The following RYR1 variants were observed in gnomAD, a reference collection of about 807,000 sequenced individuals.
RYR1 encodes the protein ryanodine receptor 1, also known as central core disease of muscle.
Under a neutral mutation model 583.5 loss-of-function variants are expected in RYR1, and 342 were observed. The ratio of observed to expected loss-of-function variants is 0.59; its 90% CI spans 0.54 to 0.64. RYR1 has a LOEUF of 0.64. Ranked by LOEUF, RYR1 falls within the 30% of genes least tolerant of loss-of-function variation. The pLI is 0.00. For missense variants in RYR1, 6,032 were observed against 6,917.2 expected, an observed-to-expected ratio of 0.87 and a Z score of 4.54; for synonymous variants, 2,791 against 2,822.5, an observed-to-expected ratio of 0.99 and a Z score of 0.35.
chr19:38,500,782 T>A lies in RYR1; in HGVS notation c.7445-39T>A, dbSNP rs758895876. On this transcript the variant is annotated intron_variant, in intron 46 of 105. Coordinates refer to ENST00000359596, the MANE Select transcript of RYR1 (RefSeq NM_000540.3). This position sits in a 1 kb window ranked among gnomAD's most constrained non-coding sequence, Gnocchi z 5.9. ...TGATGCTGGGGAGGGAGCGGCTGGG[T>A]CCGCAGGGCATCCCCGAACCCACCC... The A allele has an allele frequency of 6.2e-7, 1 of 1,612,766 alleles. No individual in the cohort carries two copies. Among genetic ancestry groups the A allele is most frequent in the East Asian group, 2.2e-5 (1 of 44,836 alleles).
rs1969990478 is a variant in RYR1, at chr19:38,499,342, C to G, written c.7027+99C>G. 7.0e-6 allele frequency: 11 copies of G among 1,572,482 alleles called. No homozygotes were observed. The Admixed American group carries it at 1.8e-4, about 26-fold the overall frequency. On this transcript the variant is annotated intron_variant, in intron 43 of 105. Transcript: ENST00000359596. This position sits in a 1 kb window ranked among gnomAD's most constrained non-coding sequence, Gnocchi z 7.3. ...TCGCACCCTGAGCCACAGATGGGGT[C>G]CAGGCAGGAATCCCTTCCAGCAGGC...
At chr19:38,514,810 G>T (rs1055940421) in intron 63 of RYR1, among the ~76,000 whole-genome samples, 2 of 152,142 alleles carry the variant, frequency 1.3e-5, no homozygotes, top group African/African-American at 4.8e-5. Flanking sequence ...CACCCCGTGA[G>T]GAAGGTACTA....
chr19:38,530,987 C>CTTTTTTTTTTTTTTTTTTTTTTTTTTTT (rs59244176), intron 76 of RYR1, among the ~76,000 whole-genome samples: 1 of 129,378 alleles, frequency 7.7e-6, no homozygotes, highest in Non-Finnish European at 1.6e-5. Flanking sequence ...TTTTCTTTCT[C>CTTTTTTTTTTTTTTTTTTTTTTTTTTTT]TTTTTTTTTT....
chr19:38,532,724 G>A lies in RYR1; in HGVS notation c.11247G>A (p.Glu3749=), dbSNP rs370411404. ...ACGGTGAAGCTGAAGAGGAGGTTGA[G>A]GTCTCCTTTGAGGTAGGTGGGCTCA... ...GENGEAEEEV[E]VSFEEKQMEK... The change falls in exon 78 of 106, where the codon GAG becomes GAA. Residue 3749 remains glutamate, a synonymous_variant. Transcript: ENST00000359596. 18 of 1,613,932 alleles carry A rather than the reference G, an allele frequency of 1.1e-5. No individual in the cohort carries two copies. The highest frequency in any genetic ancestry group is 3.3e-5 in the South Asian group (3 of 91,078).
Position 38,475,393 on chromosome 19 carries a change from C to T in RYR1, c.4236C>T (p.His1412=), listed in dbSNP as rs146206507. ...CCCCCACGCTGCCCCGACTCCCTCA[C>T]GACGTGGTGCCTGCAGACAACCGCG... ...PATPTLPRLP[H]DVVPADNRDD... Residue 1412 remains histidine (H), a synonymous_variant, in exon 29 of 106, where the codon CAC becomes CAT. Transcript: ENST00000359596. 10 of 1,614,040 alleles carry T rather than the reference C, an allele frequency of 6.2e-6. No homozygotes were observed. The highest frequency in any genetic ancestry group is 2.2e-5 in the East Asian group (1 of 44,880).
intron 29 of RYR1, among the ~76,000 whole-genome samples, chr19:38,475,740 C>T (rs980081371): frequency 1.3e-5 from 2 of 152,212 alleles, no homozygotes; most frequent in Middle Eastern, 3.2e-3. Context: ...AGACTAGGGA[C>T]CCCAACATTT....
At position 38,444,148 on chromosome 19, in the gene RYR1, G is replaced by A. The variant is rs745526344; in HGVS notation, c.425-1G>A. The A allele has an allele frequency of 6.2e-7, 1 of 1,613,404 alleles. No homozygotes were observed. The highest frequency in any genetic ancestry group is 8.5e-7 in the Non-Finnish European group (1 of 1,179,396). On this transcript the variant is annotated splice_acceptor_variant, in intron 5 of 105. Coordinates refer to ENST00000359596, the MANE Select transcript of RYR1 (RefSeq NM_000540.3). LOFTEE classifies it high-confidence loss of function. This position sits in a 1 kb window ranked among gnomAD's most constrained non-coding sequence, Gnocchi z 5.1. The stretch of plus-strand genomic sequence containing the variant: ...CACCCCCATTCCATCCCCACCCATA[G>A]GAGAGGCTTGCTGGTGGACCATGCA...
chr19:38,573,396 T>G, intron 96 of RYR1, 89 bp downstream of exon 96: 1 of 1,520,452 alleles, frequency 6.6e-7, no homozygotes, highest in Non-Finnish European at 8.9e-7. Context: ...AAACTAGGGT[T>G]TCGGTCCGGG....
At position 38,485,688 on chromosome 19, in the gene RYR1, A is replaced by G. The variant is rs781104539; in HGVS notation, c.5033A>G (p.Asn1678Ser). ...CGCGCTGTGTGCGCCCTGGGCAACA[A>G]TCGCGTGGCGCACGCTCTGTGCAGC... is the stretch of plus-strand genomic sequence containing the variant. ...LYRAVCALGN[N>S]RVAHALCSHV... Residue 1678 changes from asparagine to serine, a missense_variant, in exon 34 of 106, where the codon AAT becomes AGT. By Grantham distance (46) the Asn-to-Ser change is conservative. This residue lies in a region of RYR1 where 2,627 missense variants were observed against 2,961.3 expected (regional missense o/e 0.89). Transcript: ENST00000359596. The G allele has an allele frequency of 6.8e-6, 11 of 1,611,054 alleles. No individual in the cohort carries two copies. Among genetic ancestry groups the G allele is most frequent in the Admixed American group, 3.3e-5 (2 of 59,986 alleles).
chr19:38,469,099 C>T lies in RYR1; in HGVS notation c.3515C>T (p.Ser1172Leu), dbSNP rs1396922425. Residue 1172 changes from serine to leucine, a missense_variant, in exon 26 of 106, where the codon TCA (serine) becomes TTA (leucine). Physicochemically the swap from Ser to Leu is moderately radical, Grantham distance 145. Coordinates refer to ENST00000359596, the MANE Select transcript of RYR1 (RefSeq NM_000540.3). ...AATGGCGAGGTCCTCATGTCTGACT[C>T]AGGCTCCGAAACAGCCTTCCGGGAG... ...TLNGEVLMSD[S>L]GSETAFREIE... The T allele has an allele frequency of 1.2e-6, 2 of 1,614,202 alleles. No individual in the cohort carries two copies. Among genetic ancestry groups the T allele is most frequent in the East Asian group, 4.5e-5 (2 of 44,882 alleles).
At position 38,444,714 on chromosome 19, in the gene RYR1, C is replaced by CG. The variant is rs763972576; in HGVS notation, c.631+37_631+38insG. ...AGACCTCCCCCTAAATGGAGATCCC[C>CG]CCAAAACAGACCCTTAATGTTGCCC... On this transcript the variant is annotated intron_variant, in intron 7 of 105. Coordinates refer to ENST00000359596, the MANE Select transcript of RYR1 (RefSeq NM_000540.3). This position sits in a 1 kb window ranked among gnomAD's most constrained non-coding sequence, Gnocchi z 5.1. 2.7e-5 allele frequency: 41 copies of CG among 1,497,032 alleles called. No homozygotes were observed. The highest frequency in any genetic ancestry group is 8.7e-5 in the Admixed American group (5 of 57,184). The allele number at this position is 1,497,032 out of a possible 1,614,324, so 92.7% of individuals were successfully genotyped here. A position where few individuals can be genotyped will look rare whatever the true frequency, so the allele number is the denominator to read the frequency against.
chr19:38,529,741 T>G (rs1971646321), intron 76 of RYR1, among the ~76,000 whole-genome samples: 1 of 152,206 alleles, frequency 6.6e-6, no homozygotes, highest in Admixed American at 6.5e-5. Context: ...AAGCTTCATG[T>G]AGGCTAATGA....
At chr19:38,519,113 C>T in intron 66 of RYR1, 101 bp from the exon 67 acceptor site, 1 of 1,593,580 alleles carries the variant, frequency 6.3e-7, no homozygotes, top group Non-Finnish European at 8.6e-7. Flanking sequence ...CAAATGGCAG[C>T]TGCTAGGTTG....
intron 93 of RYR1, among the ~76,000 whole-genome samples, chr19:38,568,832 G>C (rs1446923530): frequency 1.3e-5 from 2 of 152,054 alleles, no homozygotes; most frequent in Non-Finnish European, 2.9e-5. Context: ...TTTGTGGGAA[G>C]AATGAGGGAT....
Position 38,512,209 on chromosome 19 carries a change from G to T in RYR1, c.9234-36G>T. ...CAACCCCTGGTCTCCTAGACTCTCC[G>T]ATTCCAGAGCTGATGTTCCCCCGCT... On this transcript the variant is annotated intron_variant, in intron 62 of 105. Coordinates refer to ENST00000359596, the MANE Select transcript of RYR1 (RefSeq NM_000540.3). The surrounding 1 kb of genome is among the most constrained non-coding windows in gnomAD (Gnocchi z 5.1). The T allele has an allele frequency of 6.2e-7, 1 of 1,614,052 alleles. No homozygotes were observed. The highest frequency in any genetic ancestry group is 1.3e-5 in the African/African-American group (1 of 75,038).
In RYR1 at chr19:38,485,857, C is replaced by T; in HGVS notation, c.5202C>T (p.Ile1734=). The change falls in exon 34 of 106, where the codon ATC becomes ATT. Residue 1734 remains isoleucine, a synonymous_variant. Transcript: ENST00000359596. Reference sequence around the variant, plus strand: ...GCCGCTCCATGCTCTCTGAATACATCGTGCCCCTCACGCCTGAGACCCGCG... The same window carrying T: ...GCCGCTCCATGCTCTCTGAATACATTGTGCCCCTCACGCCTGAGACCCGCG... ...RSRRSMLSEY[I]VPLTPETRAI... The T allele has an allele frequency of 1.2e-6, 2 of 1,613,796 alleles. No homozygotes were observed. The highest frequency in any genetic ancestry group is 1.3e-5 in the African/African-American group (1 of 75,056).
rs202235215 is a variant in RYR1, at chr19:38,573,332, G to A, written c.14129+25G>A. The A allele has an allele frequency of 9.3e-6, 15 of 1,610,340 alleles. 1 individual carries two copies. The Admixed American group carries it at 2.3e-4, about 25-fold the overall frequency. On this transcript the variant is annotated intron_variant, in intron 96 of 105. Transcript: ENST00000359596. ...CGTAAGGACCCAGCCCCCACCTCAG[G>A]GTGGCAGCAGGAGGGGACCTGGGTT...
At chr19:38,570,534 A>T in intron 93 of RYR1, 73 bp from the exon 94 acceptor site, 1 of 1,105,168 alleles carries the variant, frequency 9.0e-7, no homozygotes, top group Non-Finnish European at 1.4e-6. Flanking sequence ...GATTGCAGGT[A>T]AATGATGGGA....
chr19:38,505,716 C>T, intron 53 of RYR1, 90 bp from the exon 54 acceptor site: 1 of 1,512,958 alleles, frequency 6.6e-7, no homozygotes, highest in Non-Finnish European at 9.1e-7. Context: ...CATTGCCTAG[C>T]CACATGGTCA....
Sources: allele counts gnomAD v4.1 joint callset (sites outside exome capture counted in the v4.1 genomes callset), GRCh38; gene constraint gnomAD v4.1.1; regional missense constraint gnomAD v4.1.1; non-coding constraint Gnocchi (gnomAD v3.1); transcripts MANE v1.5; gene names NCBI Gene and HGNC (gene_info 2026-07-23, HGNC 2026-07-21).